PDE4D: variants seen among roughly 807,000 people sequenced by gnomAD.
The protein encoded by PDE4D is phosphodiesterase 4D.
Under a neutral mutation model 87.4 loss-of-function variants are expected in PDE4D, and 24 were observed. That is an observed-to-expected ratio of 0.27 (90% CI 0.20 to 0.39). The LOEUF (loss-of-function observed/expected upper bound fraction) is 0.39, where lower values mean the gene tolerates loss of function less well. PDE4D is among the 10% of genes least tolerant of loss of function. PDE4D has a pLI of 1.00. For synonymous variants in PDE4D, 384 were observed against 383.2 expected, an observed-to-expected ratio of 1.00 and a Z score of -0.02; for missense variants, 714 against 1,041.0, an observed-to-expected ratio of 0.69 and a Z score of 4.32.
chr5:59,664,578 T>C (rs151015702), intron 1 of PDE4D, among the ~76,000 whole-genome samples: 1 of 152,318 alleles, frequency 6.6e-6, no homozygotes, highest in Non-Finnish European at 1.5e-5. Flanking sequence ...ATTCCTGCCA[T>C]AATGGTTTCA....
intron 1 of PDE4D, among the ~76,000 whole-genome samples, chr5:59,876,246 T>A (rs147014720): frequency 6.6e-6 from 1 of 152,150 alleles, no homozygotes; most frequent in Non-Finnish European, 1.5e-5. Flanking sequence ...TGTGCAAAGC[T>A]TCTAGGAGTA....
chr5:60,151,956 G>C (rs1007825028), intron 2 of PDE4D, among the ~76,000 whole-genome samples: 1 of 152,168 alleles, frequency 6.6e-6, no homozygotes. Flanking sequence ...GTCATGAAAA[G>C]GTGTTGAATT....
intron 5 of PDE4D, among the ~76,000 whole-genome samples, chr5:59,171,802 T>G (rs969433803): frequency 3.3e-5 from 4 of 121,076 alleles, no homozygotes; most frequent in South Asian, 2.4e-4. Flanking sequence ...ATATTATATA[T>G]TAAATATATA....
chr5:59,830,003 C>G (rs925310991), intron 1 of PDE4D, among the ~76,000 whole-genome samples: 1 of 151,432 alleles, frequency 6.6e-6, no homozygotes, highest in African/African-American at 2.4e-5. Context: ...AACTGAAATG[C>G]TCAGTGTCAC....
rs1349086236 is a variant in PDE4D at position 58,970,291 on chromosome 5, C to T, written c.*4373G>A. The T allele has an allele frequency of 6.6e-6, 1 of 151,844 alleles. No homozygotes were observed. Among genetic ancestry groups the T allele is most frequent in the African/African-American group, 2.4e-5 (1 of 41,328 alleles). 9.4% of individuals were successfully genotyped at this position (151,844 alleles called of 1,614,324 possible). ...AGGATGTTTTTGTAATTATAGTGTC[C>T]CCTTTGTACTGTTTAAAACAAAAGT... On this transcript the variant is annotated 3_prime_UTR_variant, in exon 15 of 15. Transcript: ENST00000340635.
chr5:60,402,676 G>A (rs1237773496), intron 1 of PDE4D, among the ~76,000 whole-genome samples: 2 of 152,202 alleles, frequency 1.3e-5, no homozygotes, highest in East Asian at 1.9e-4. Context: ...TGAAGATCAC[G>A]TTTGGAGCAG....
chr5:60,048,379 T>G (rs921448495), intron 2 of PDE4D, among the ~76,000 whole-genome samples: 3 of 152,188 alleles, frequency 2.0e-5, no homozygotes, highest in South Asian at 2.1e-4. Context: ...AAAGTTAATA[T>G]TGTTATGTGT....
intron 1 of PDE4D, among the ~76,000 whole-genome samples, chr5:59,824,365 G>T (rs1770070081): frequency 6.6e-6 from 1 of 152,158 alleles, no homozygotes; most frequent in Non-Finnish European, 1.5e-5. Context: ...GGTGGTTACT[G>T]TACCACTGTA....
At position 59,145,415 on chromosome 5, in the gene PDE4D, C is replaced by T. The variant is rs541105046; in HGVS notation, c.808+35180G>A. Among the ~76,000 whole-genome samples, 8 of 152,226 alleles carry T rather than the reference C, an allele frequency of 5.3e-5. No individual in the cohort carries two copies. In the South Asian group the frequency reaches 1.2e-3, roughly 24 times the overall value. On this transcript the variant is annotated intron_variant, in intron 5 of 14. Coordinates refer to ENST00000340635, the MANE Select transcript of PDE4D (RefSeq NM_001104631.2). ...ACAGGTTCTTTTCACTTTTGATGTA[C>T]AGAGGTTATGAGAAAATAATCTTAA...
intron 3 of PDE4D, among the ~76,000 whole-genome samples, chr5:59,986,200 G>A (rs7710258): frequency 0.049 from 7,438 of 152,208 alleles, 594 homozygotes; most frequent in African/African-American, 0.17. Flanking sequence ...GACCACAGGC[G>A]CATGCCACTA....
intron 1 of PDE4D, among the ~76,000 whole-genome samples, chr5:60,315,987 T>C (rs550754335): frequency 9.2e-5 from 14 of 152,194 alleles, no homozygotes; most frequent in Non-Finnish European, 1.8e-4. Flanking sequence ...TTTGGTTCCA[T>C]ATGAACTTTA....
intron 5 of PDE4D, among the ~76,000 whole-genome samples, chr5:59,111,563 G>GA (rs199549357): frequency 0.012 from 1,849 of 150,580 alleles, 43 homozygotes; most frequent in African/African-American, 0.041. Flanking sequence ...ATTGTTTTGA[G>GA]AAAAAAAAAG....
At chr5:60,456,875 C>T (rs1386241097) in intron 1 of PDE4D, among the ~76,000 whole-genome samples, 1 of 152,166 alleles carries the variant, frequency 6.6e-6, no homozygotes, top group Non-Finnish European at 1.5e-5. Context: ...TGTCCTATAC[C>T]TCTGTTCCCC....
intron 1 of PDE4D, among the ~76,000 whole-genome samples, chr5:60,195,730 G>A (rs1741136841): frequency 6.6e-6 from 1 of 151,658 alleles, no homozygotes; most frequent in South Asian, 2.1e-4. Flanking sequence ...TAAGTGCTCT[G>A]ACAGAATCTC....
At position 60,081,820 on chromosome 5, in the gene PDE4D, C is replaced by G. The variant is rs6885805; in HGVS notation, c.43-93103G>C. Among the ~76,000 whole-genome samples the G allele has an allele frequency of 8.5e-3, 1,298 of 152,254 alleles. 16 individuals carry two copies. The highest frequency in any genetic ancestry group is 0.03 in the African/African-American group (1,235 of 41,536). ...TTCTGCTAAGAGGTCTGCCATTAGT[C>G]TGATGGGCTTCCCTAGTCCCTCTGG... On this transcript the variant is annotated intron_variant, in intron 2 of 16. Coordinates refer to the PDE4D transcript ENST00000502484.
Position 59,893,232 on chromosome 5 carries a change from C to T in PDE4D, c.391G>A (p.Gly131Ser). The change falls in exon 1 of 15, where the codon GGC (glycine) becomes AGC (serine). Residue 131 changes from glycine to serine, a missense_variant. By Grantham distance (56) the Gly-to-Ser change is moderately conservative. Transcript: ENST00000340635. The stretch of plus-strand genomic sequence containing the variant: ...GATTTCTTCAGGCCGGGCCGGTGGC[C>T]GGTCTCCACCGCGTAGGAGGTGCGG... ...MDRTSYAVET[G>S]HRPGLKKSRM... 1 of 1,558,700 alleles carries T rather than the reference C, an allele frequency of 6.4e-7. No homozygotes were observed. The highest frequency in any genetic ancestry group is 8.7e-7 in the Non-Finnish European group (1 of 1,150,988).
chr5:59,791,215 C>A (rs886654163), intron 1 of PDE4D, among the ~76,000 whole-genome samples: 3 of 152,198 alleles, frequency 2.0e-5, no homozygotes, highest in Non-Finnish European at 2.9e-5. Flanking sequence ...CTTAATACTT[C>A]GTAATGCATG....
chr5:59,378,241 G>C (rs2153601400), intron 1 of PDE4D, among the ~76,000 whole-genome samples: 1 of 152,270 alleles, frequency 6.6e-6, no homozygotes, highest in East Asian at 1.9e-4. Context: ...GTGAACACAT[G>C]GACACAAAGA....
chr5:60,077,912 G>C (rs551341627), intron 2 of PDE4D, among the ~76,000 whole-genome samples: 1 of 152,222 alleles, frequency 6.6e-6, no homozygotes, highest in African/African-American at 2.4e-5. Context: ...CCAGGAACCG[G>C]TCCTGGTGTG....
Sources: gnomAD v4.1 joint callset for allele counts (sites outside exome capture counted in the v4.1 genomes callset) on GRCh38, gnomAD v4.1.1 for gene constraint, MANE v1.5 for transcripts, NCBI Gene and HGNC (gene_info 2026-07-23, HGNC 2026-07-21) for gene names.